Variants in MMRN1 observed in about 807,000 individuals in gnomAD.
MMRN1 encodes the protein multimerin-1.
A neutral mutation model predicts 100.7 loss-of-function variants in MMRN1; 94 were observed. The observed-to-expected ratio is 0.93, with a 90% CI of 0.79 to 1.11. MMRN1 has a LOEUF of 1.11. Among genes scored for constraint, MMRN1 ranks in the 50% least tolerant of loss-of-function variants. MMRN1 has a pLI of 0.00. For missense variants in MMRN1, 1,606 were observed against 1,439.1 expected (o/e 1.12, Z -1.88); for synonymous variants, 575 against 505.0 (o/e 1.14, Z -1.86).
rs550179333 is a variant in MMRN1, at chr4:89,933,722, C to T, written c.1130-1088C>T. ...AACAGCATGGGAAAAAACCCACCCC[C>T]GTGATTCAATTACCTTCCACTGGGT... On this transcript the variant is annotated intron_variant, in intron 5 of 7. Transcript: ENST00000264790. 4.6e-5 allele frequency among the ~76,000 whole-genome samples: 7 copies of T among 152,234 alleles called. No individual in the cohort carries two copies. In the East Asian group the frequency reaches 7.7e-4, roughly 17 times the overall value.
At chr4:89,921,113 A>G (rs985716258) in intron 3 of MMRN1, among the ~76,000 whole-genome samples, 1 of 152,164 alleles carries the variant, frequency 6.6e-6, no homozygotes, top group African/African-American at 2.4e-5. Flanking sequence ...CTAACAAAGT[A>G]TCCACAGCCT....
rs1258691631 is a variant in MMRN1 at position 89,952,919 on chromosome 4, A to G, written c.3266-78A>G. ...TGCTAAGACTTTTTGTAACTGAGATAAAAATGACGAAGATATAAGGAAAGA... is the reference window on the plus strand; with the variant it reads ...TGCTAAGACTTTTTGTAACTGAGATGAAAATGACGAAGATATAAGGAAAGA... On this transcript the variant is annotated intron_variant, in intron 7 of 7. Transcript: ENST00000264790. The G allele has an allele frequency of 2.2e-6, 3 of 1,373,378 alleles. No individual in the cohort carries two copies. In the South Asian group the frequency reaches 4.4e-5, roughly 20 times the overall value. 85.1% of individuals were successfully genotyped at this position (1,373,378 alleles called of 1,614,324 possible).
chr4:89,909,537 A>G (rs1227774677), intron 2 of MMRN1, 142 bp downstream of exon 2: 3 of 1,049,052 alleles, frequency 2.9e-6, no homozygotes, highest in Non-Finnish European at 2.7e-6. Context: ...AGTAAGTGAA[A>G]ATGCAGACAC....
chr4:89,898,345 T>C (rs1721275589), intron 1 of MMRN1, among the ~76,000 whole-genome samples: 1 of 152,064 alleles, frequency 6.6e-6, no homozygotes, highest in Non-Finnish European at 1.5e-5. Context: ...AGGGATTAAG[T>C]AGCTTACCTA....
intron 6 of MMRN1, among the ~76,000 whole-genome samples, chr4:89,950,844 C>A (rs1025031722): frequency 5.9e-5 from 9 of 152,018 alleles, no homozygotes; most frequent in African/African-American, 1.4e-4. Context: ...CAGGTGTGAG[C>A]CACCATACCC....
At chr4:89,918,716 A>G (rs1238774517) in intron 3 of MMRN1, among the ~76,000 whole-genome samples, 4 of 151,892 alleles carry the variant, frequency 2.6e-5, no homozygotes, top group Non-Finnish European at 5.9e-5. Context: ...TTTAAAAAGC[A>G]GAAGTCTATC....
intron 4 of MMRN1, among the ~76,000 whole-genome samples, chr4:89,923,918 G>C (rs1578485727): frequency 6.6e-6 from 1 of 152,082 alleles, no homozygotes; most frequent in Non-Finnish European, 1.5e-5. Context: ...TGACTTAAAG[G>C]GCTGTCTTTA....
In MMRN1 at chr4:89,944,104, T is replaced by C. The variant is rs1362100692; in HGVS notation, c.3118+7306T>C. Reference sequence around the variant, plus strand: ...ATACCATGTTATTATGAAGCTATTTTGAATGTGAAAGAAAAGAAACAACAT... The same window carrying C: ...ATACCATGTTATTATGAAGCTATTTCGAATGTGAAAGAAAAGAAACAACAT... On this transcript the variant is annotated intron_variant, in intron 6 of 7. Coordinates refer to ENST00000264790, the MANE Select transcript of MMRN1 (RefSeq NM_007351.3). Among the ~76,000 whole-genome samples the C allele has an allele frequency of 2.6e-5, 4 of 152,232 alleles. No individual in the cohort carries two copies. The East Asian group carries it at 5.8e-4, about 22-fold the overall frequency.
intron 6 of MMRN1, among the ~76,000 whole-genome samples, chr4:89,945,674 A>G (rs1463684555): frequency 6.6e-6 from 1 of 152,182 alleles, no homozygotes; most frequent in Non-Finnish European, 1.5e-5. Flanking sequence ...AGTTCACGAT[A>G]TCAAACAAAA....
chr4:89,924,184 A>T lies in MMRN1; in HGVS notation c.955+912A>T, dbSNP rs112942127. 5.2e-3 allele frequency among the ~76,000 whole-genome samples: 798 copies of T among 152,320 alleles called. 5 individuals carry two copies. Among genetic ancestry groups the T allele is most frequent in the African/African-American group, 0.018 (765 of 41,578 alleles). ...ATACATATATCTAGCTGCATATTTTAAATGCTGAGGTATTGAATTTGGAAG... is the reference window on the plus strand; with the variant it reads ...ATACATATATCTAGCTGCATATTTTTAATGCTGAGGTATTGAATTTGGAAG... On this transcript the variant is annotated intron_variant, in intron 4 of 7. Coordinates refer to ENST00000264790, the MANE Select transcript of MMRN1 (RefSeq NM_007351.3).
In MMRN1 at chr4:89,909,405, A is replaced by G; in HGVS notation, c.743+10A>G. 2.5e-6 allele frequency: 4 copies of G among 1,607,684 alleles called. No individual in the cohort carries two copies. The highest frequency in any genetic ancestry group is 3.4e-6 in the Non-Finnish European group (4 of 1,176,574). On this transcript the variant is annotated intron_variant, in intron 2 of 7. Transcript: ENST00000264790. The stretch of plus-strand genomic sequence containing the variant: ...GATCCTGTCCTCAGAGGTATGTAAT[A>G]TTTCTTGAAAATAGCCACTGTTTTT...
intron 1 of MMRN1, among the ~76,000 whole-genome samples, chr4:89,905,705 G>C (rs1039964581): frequency 1.3e-5 from 2 of 151,260 alleles, no homozygotes; most frequent in Admixed American, 1.3e-4. Context: ...GGGCATGATG[G>C]GAAACAAAGG....
intron 3 of MMRN1, among the ~76,000 whole-genome samples, chr4:89,916,980 C>G (rs1721941875): frequency 6.6e-6 from 1 of 151,684 alleles, no homozygotes; most frequent in African/African-American, 2.4e-5. Flanking sequence ...CTTGAACATT[C>G]AGGATCTTTC....
At position 89,935,141 on chromosome 4, in the gene MMRN1, T is replaced by A; in HGVS notation, c.1461T>A (p.His487Gln). ...PIKELEVKQTHLEGALEQEHS... is the reference protein window; with the variant it reads ...PIKELEVKQTQLEGALEQEHS... ...AAGAACTAGAAGTAAAGCAGACTCA[T>A]TTAGAAGGTGCTCTAGAACAGGAAC... Residue 487 changes from histidine (H) to glutamine (Q), a missense_variant, in exon 6 of 8, where the codon CAT becomes CAA. His to Gln is a conservative substitution (Grantham distance 24, BLOSUM62 0). Transcript: ENST00000264790. 6.2e-7 allele frequency: 1 copy of A among 1,613,598 alleles called. No homozygotes were observed. Among genetic ancestry groups the A allele is most frequent in the South Asian group, 1.1e-5 (1 of 91,026 alleles).
intron 1 of MMRN1, among the ~76,000 whole-genome samples, chr4:89,881,275 C>G (rs1301696095): frequency 6.6e-6 from 1 of 152,098 alleles, no homozygotes; most frequent in Non-Finnish European, 1.5e-5. Context: ...TACTTCAAAA[C>G]TCAAACTACA....
chr4:89,879,751 G>A (rs1190289641), intron 1 of MMRN1: 1 of 152,070 alleles, frequency 6.6e-6, no homozygotes, highest in East Asian at 1.9e-4. Context: ...TTAAAAAAAA[G>A]CATAATTTTC....
chr4:89,918,029 T>C (rs1452993991), intron 3 of MMRN1, among the ~76,000 whole-genome samples: 1 of 151,766 alleles, frequency 6.6e-6, no homozygotes, highest in Non-Finnish European at 1.5e-5. Flanking sequence ...AATGAATATT[T>C]ATTGCATTTT....
chr4:89,920,452 G>A (rs571725265), intron 3 of MMRN1, among the ~76,000 whole-genome samples: 12 of 152,214 alleles, frequency 7.9e-5, no homozygotes, highest in Admixed American at 6.5e-4. Context: ...TAGGGATCTT[G>A]TGTTATAACA....
At chr4:89,882,132 G>A (rs1720833583) in intron 1 of MMRN1, among the ~76,000 whole-genome samples, 1 of 151,662 alleles carries the variant, frequency 6.6e-6, no homozygotes, top group Non-Finnish European at 1.5e-5. Context: ...TGGAGTGGGG[G>A]ATATTGTTGT....
Sources: allele counts gnomAD v4.1 joint callset (sites outside exome capture counted in the v4.1 genomes callset), GRCh38; gene constraint gnomAD v4.1.1; transcripts MANE v1.5; gene names NCBI Gene and HGNC (gene_info 2026-07-23, HGNC 2026-07-21).